RNF144A: variants seen among roughly 807,000 people sequenced by gnomAD.
RNF144A encodes the protein E3 ubiquitin-protein ligase RNF144A.
Under a neutral mutation model 38.7 loss-of-function variants are expected in RNF144A, and 11 were observed. The observed-to-expected ratio is 0.28, with a 90% CI of 0.18 to 0.47. RNF144A has a LOEUF of 0.47. RNF144A is among the 20% of genes least tolerant of loss of function. The pLI, the probability that RNF144A is intolerant of heterozygous loss-of-function variation, is 0.99. For synonymous variants in RNF144A, 149 were observed against 143.9 expected (o/e 1.04, Z -0.25); for missense variants, 316 against 377.2 (o/e 0.84, Z 1.34).
intron 1 of RNF144A, among the ~76,000 whole-genome samples, chr2:6,934,544 C>T (rs1665442350): frequency 6.6e-6 from 1 of 152,194 alleles, no homozygotes; most frequent in African/African-American, 2.4e-5. Context: ...AAAGGCCTTT[C>T]TCCCTGCTGG....
At chr2:7,015,607 T>A (rs1236825193) in intron 5 of RNF144A, among the ~76,000 whole-genome samples, 1 of 152,238 alleles carries the variant, frequency 6.6e-6, no homozygotes, top group Non-Finnish European at 1.5e-5. Flanking sequence ...CTCTGCTCTC[T>A]GAAATACTCC....
intron 2 of RNF144A, among the ~76,000 whole-genome samples, chr2:6,981,543 A>G (rs1023703657): frequency 6.6e-6 from 1 of 152,226 alleles, no homozygotes; most frequent in Non-Finnish European, 1.5e-5. Flanking sequence ...TTACTAAAGC[A>G]TAGTGAGAGT....
intron 1 of RNF144A, among the ~76,000 whole-genome samples, chr2:6,924,399 G>A (rs979426910): frequency 1.3e-5 from 2 of 152,250 alleles, no homozygotes; most frequent in African/African-American, 4.8e-5. Context: ...TTAGAACCAA[G>A]CGCCTGAATG....
intron 2 of RNF144A, among the ~76,000 whole-genome samples, chr2:6,975,239 C>T (rs1431330064): frequency 1.3e-5 from 2 of 152,122 alleles, no homozygotes. Context: ...CAGGGAAATT[C>T]CCGTTTGTAA....
At chr2:7,034,788 T>G (rs1223958822) in intron 8 of RNF144A, among the ~76,000 whole-genome samples, 1 of 152,142 alleles carries the variant, frequency 6.6e-6, no homozygotes, top group Non-Finnish European at 1.5e-5. Flanking sequence ...TTGCAGAAAG[T>G]GCTTTGAAGG....
rs150784558 is a variant in RNF144A at position 6,995,817 on chromosome 2, C to A, written c.-11-1099C>A. 4.4e-3 allele frequency among the ~76,000 whole-genome samples: 676 copies of A among 152,302 alleles called. 2 individuals carry two copies. The highest frequency in any genetic ancestry group is 0.016 in the African/African-American group (655 of 41,556). The stretch of plus-strand genomic sequence containing the variant: ...CTTTGGCAGTACCCTCACAGTCACA[C>A]CAGGAACAATACTTTGCATCCTTCA... On this transcript the variant is annotated intron_variant, in intron 2 of 8. Coordinates refer to ENST00000320892, the MANE Select transcript of RNF144A (RefSeq NM_014746.6).
In RNF144A at chr2:7,020,546, G is replaced by T; in HGVS notation, c.375G>T (p.Val125=). The T allele has an allele frequency of 6.2e-7, 1 of 1,613,550 alleles. No homozygotes were observed. Among genetic ancestry groups the T allele is most frequent in the Non-Finnish European group, 8.5e-7 (1 of 1,180,022 alleles). The change falls in exon 6 of 9, where the codon GTG becomes GTT. Residue 125 remains valine (V), a synonymous_variant. Transcript: ENST00000320892. ...TCQAVCQLQD[V]GLQTPQPVQC... is the part of the protein sequence containing the mutation. Reference sequence around the variant, plus strand: ...AAGCTGTGTGTCAGCTCCAGGACGTGGGGCTGCAGACCCCCCAGCCAGTGC... The same window carrying T: ...AAGCTGTGTGTCAGCTCCAGGACGTTGGGCTGCAGACCCCCCAGCCAGTGC...
chr2:7,044,053 G>A lies in RNF144A; in HGVS notation c.*4293G>A. 1.0e-6 allele frequency: 1 copy of A among 985,786 alleles called. No individual in the cohort carries two copies. Among genetic ancestry groups the A allele is most frequent in the Non-Finnish European group, 1.2e-6 (1 of 829,898 alleles). 61.1% of individuals were successfully genotyped at this position (985,786 alleles called of 1,614,324 possible). On this transcript the variant is annotated 3_prime_UTR_variant, in exon 9 of 9. Coordinates refer to ENST00000320892, the MANE Select transcript of RNF144A (RefSeq NM_014746.6). ...GTGTTTTGTACTCTGGAATCATATG[G>A]AAAAAGTTTGATTTGTAATTTCAAT...
At chr2:6,991,516 G>T (rs559389113) in intron 2 of RNF144A, among the ~76,000 whole-genome samples, 63 of 152,302 alleles carry the variant, frequency 4.1e-4, no homozygotes, top group Non-Finnish European at 7.6e-4. Flanking sequence ...TCATTCAGCT[G>T]ATGAGGATAT....
In RNF144A at chr2:7,041,909, A is replaced by G. The variant is rs1460415940; in HGVS notation, c.*2149A>G. The stretch of plus-strand genomic sequence containing the variant: ...TAGAGGGACAGGCTGTTCTGTTGGA[A>G]GAGTCTCTGGCCCAGTCATGCACAT... On this transcript the variant is annotated 3_prime_UTR_variant, in exon 9 of 9. Coordinates refer to ENST00000320892, the MANE Select transcript of RNF144A (RefSeq NM_014746.6). 1 of 985,306 alleles carries G rather than the reference A, an allele frequency of 1.0e-6. No homozygotes were observed. The highest frequency in any genetic ancestry group is 1.7e-5 in the African/African-American group (1 of 57,224). The allele number at this position is 985,306 out of a possible 1,614,324, so 61.0% of individuals were successfully genotyped here. A position where few individuals can be genotyped will look rare whatever the true frequency, so the allele number is the denominator to read the frequency against.
chr2:7,057,599 T>C (rs1481107926), intron 6 of RNF144A, among the ~76,000 whole-genome samples: 1 of 152,194 alleles, frequency 6.6e-6, no homozygotes, highest in Non-Finnish European at 1.5e-5. Context: ...TTGGATGGTA[T>C]AAGAATAATA....
chr2:6,992,488 G>T (rs959162685), intron 2 of RNF144A, among the ~76,000 whole-genome samples: 2 of 152,216 alleles, frequency 1.3e-5, no homozygotes, highest in Non-Finnish European at 2.9e-5. Flanking sequence ...TGAAGGGTTT[G>T]TAGGGTGTGG....
intron 1 of RNF144A, among the ~76,000 whole-genome samples, chr2:6,932,246 A>G (rs1354633110): frequency 6.6e-6 from 1 of 151,960 alleles, no homozygotes; most frequent in Non-Finnish European, 1.5e-5. Flanking sequence ...CTTTCTTTTG[A>G]TTAGTGTTAG....
chr2:7,062,042 A>T (rs1673976658), intron 6 of RNF144A, among the ~76,000 whole-genome samples: 1 of 152,192 alleles, frequency 6.6e-6, no homozygotes. Flanking sequence ...GGGCAGTTCT[A>T]ATCTCAGCAG....
intron 6 of RNF144A, among the ~76,000 whole-genome samples, chr2:7,057,687 C>T (rs555927210): frequency 1.3e-5 from 2 of 152,278 alleles, no homozygotes; most frequent in East Asian, 3.9e-4. Flanking sequence ...TAAGATCTTA[C>T]AATGCCTAAC....
chr2:7,041,455 T>C lies in RNF144A; in HGVS notation c.*1695T>C, dbSNP rs1673036323. On this transcript the variant is annotated 3_prime_UTR_variant, in exon 9 of 9. Coordinates refer to ENST00000320892, the MANE Select transcript of RNF144A (RefSeq NM_014746.6). The stretch of plus-strand genomic sequence containing the variant: ...TGTGTCAAAATTACATTCAAAAAGC[T>C]CTCCTTGTAATTGCAAGTTTAGTAA... 1 of 985,782 alleles carries C rather than the reference T, an allele frequency of 1.0e-6. No homozygotes were observed. The highest frequency in any genetic ancestry group is 1.1e-4 in the East Asian group (1 of 8,834). 61.1% of individuals were successfully genotyped at this position (985,782 alleles called of 1,614,324 possible). A position where few individuals can be genotyped will look rare whatever the true frequency, so the allele number is the denominator to read the frequency against.
intron 7 of RNF144A, among the ~76,000 whole-genome samples, chr2:7,029,318 A>G (rs1465016553): frequency 6.6e-6 from 1 of 152,208 alleles, no homozygotes; most frequent in Non-Finnish European, 1.5e-5. Flanking sequence ...TAGAAATGCC[A>G]TTCCCCTCAC....
At chr2:6,923,259 T>G (rs1054192277) in intron 1 of RNF144A, among the ~76,000 whole-genome samples, 3 of 152,218 alleles carry the variant, frequency 2.0e-5, no homozygotes, top group African/African-American at 7.2e-5. Context: ...CTCCTCAAGT[T>G]CAAACATTCA....
downstream of RNF144A, chr2:7,044,313 G>C: frequency 2.1e-6 from 1 of 479,560 alleles, no homozygotes; most frequent in Non-Finnish European, 2.7e-6. Context: ...GGGGTGGAGG[G>C]AGAAAGGGTG....
Sources: allele counts gnomAD v4.1 joint callset (sites outside exome capture counted in the v4.1 genomes callset), GRCh38; gene constraint gnomAD v4.1.1; transcripts MANE v1.5; gene names NCBI Gene and HGNC (gene_info 2026-07-23, HGNC 2026-07-21).